GRTP1: variants seen among roughly 807,000 people sequenced by gnomAD.
GRTP1 encodes the protein growth hormone-regulated TBC protein 1.
In GRTP1, 56 loss-of-function variants were observed where a neutral mutation model predicts 38.1. The observed-to-expected ratio is 1.47, with a 90% CI of 1.19 to 1.84. The LOEUF (loss-of-function observed/expected upper bound fraction) is 1.84, where lower values mean the gene tolerates loss of function less well. Among genes scored for constraint, GRTP1 ranks in the 40% most tolerant of loss-of-function variants. GRTP1 has a pLI of 0.00. For missense variants in GRTP1, 506 were observed against 453.9 expected, an observed-to-expected ratio of 1.11 and a Z score of -1.04; for synonymous variants, 217 against 189.5, an observed-to-expected ratio of 1.14 and a Z score of -1.19.
chr13:113,324,542 G>A lies in GRTP1; in HGVS notation c.957C>T (p.Ala319=), dbSNP rs747383644. 6 of 1,611,844 alleles carry A rather than the reference G, an allele frequency of 3.7e-6. No homozygotes were observed. Among genetic ancestry groups the A allele is most frequent in the Non-Finnish European group, 5.1e-6 (6 of 1,179,168 alleles). ...AGCTCTCGCGGAGCTTGGCGACGGT[G>A]GCCATGGATAAGCTTCCAGGTTCTG... The part of the protein sequence containing the change: ...IFSEPGSLSM[A]TVAKLRESCR... Residue 319 remains alanine, a synonymous_variant, in exon 8 of 8, where the codon GCC becomes GCT. Coordinates refer to ENST00000375431, the MANE Select transcript of GRTP1 (RefSeq NM_024719.4).
chr13:113,361,993 A>G (rs948385907), intron 2 of GRTP1: 2 of 152,096 alleles, frequency 1.3e-5, no homozygotes, highest in Non-Finnish European at 2.9e-5. Flanking sequence ...ACTAAAAAAT[A>G]GAAAAATTAG....
intron 7 of GRTP1, chr13:113,325,062 T>C (rs1311082225): frequency 3.2e-6 from 3 of 931,858 alleles, no homozygotes; most frequent in Non-Finnish European, 3.9e-6. Context: ...ACTCCTGACC[T>C]CAGGTGATCC....
At chr13:113,337,952 T>TGG (rs1183987689) in intron 5 of GRTP1, among the ~76,000 whole-genome samples, 1 of 152,274 alleles carries the variant, frequency 6.6e-6, no homozygotes, top group East Asian at 1.9e-4. Context: ...CAGCCAGAGC[T>TGG]GAGGTATTTC....
chr13:113,341,257 A>G (rs930903349), intron 5 of GRTP1, among the ~76,000 whole-genome samples: 1 of 151,858 alleles, frequency 6.6e-6, no homozygotes. Flanking sequence ...GTATGTGTGT[A>G]TGTATGTATG....
At chr13:113,346,070 G>GTGGA (rs2043108286) in intron 4 of GRTP1, among the ~76,000 whole-genome samples, 1 of 90,906 alleles carries the variant, frequency 1.1e-5, no homozygotes, top group Admixed American at 1.1e-4. Flanking sequence ...GAGGACCTCT[G>GTGGA]CGGCTGAGCA....
chr13:113,352,191 G>A (rs1392629347), intron 3 of GRTP1, among the ~76,000 whole-genome samples: 1 of 143,046 alleles, frequency 7.0e-6, no homozygotes, highest in East Asian at 2.0e-4. Flanking sequence ...GTGACCAGCT[G>A]TGTTCATTTA....
intron 4 of GRTP1, among the ~76,000 whole-genome samples, 184 bp from the exon 5 acceptor site, chr13:113,345,143 G>A (rs2043082276): frequency 1.3e-5 from 2 of 152,192 alleles, no homozygotes; most frequent in Non-Finnish European, 2.9e-5. Context: ...CTAGTAATGT[G>A]TTTAGTCAAG....
intron 7 of GRTP1, 44 bp downstream of exon 7, chr13:113,325,616 CG>C (rs763270064): frequency 1.2e-4 from 201 of 1,613,192 alleles, no homozygotes; most frequent in Non-Finnish European, 1.6e-4. Flanking sequence ...GCAGGTGAGG[CG>C]GGGCCCCCTG....
chr13:113,352,770 G>A (rs1339595621), intron 3 of GRTP1, among the ~76,000 whole-genome samples: 4 of 152,236 alleles, frequency 2.6e-5, no homozygotes, highest in South Asian at 2.1e-4. Flanking sequence ...TCTGCACTGC[G>A]TGGCCTGGCA....
chr13:113,325,757 C>T lies in GRTP1; in HGVS notation c.825G>A (p.Glu275=). The change falls in exon 7 of 8, where the codon GAG becomes GAA. Residue 275 remains glutamate (E), a synonymous_variant. Transcript: ENST00000375431. The part of the protein sequence containing the change: ...VALTLIKQHQ[E]LILEATSVPD... ...GAACGCTGGTGGCTTCCAAAATCAA[C>T]TCCTGGTGCTGCTTAATTAAGGTCA... is the stretch of plus-strand genomic sequence containing the variant. The T allele has an allele frequency of 6.2e-7, 1 of 1,609,458 alleles. No individual in the cohort carries two copies. The highest frequency in any genetic ancestry group is 8.5e-7 in the Non-Finnish European group (1 of 1,175,486).
chr13:113,333,316 A>C (rs942242863), intron 5 of GRTP1, among the ~76,000 whole-genome samples: 1 of 152,186 alleles, frequency 6.6e-6, no homozygotes, highest in African/African-American at 2.4e-5. Context: ...GCACATGGCG[A>C]ACCACAGAAA....
chr13:113,352,906 G>C (rs1189582337), intron 3 of GRTP1, among the ~76,000 whole-genome samples: 1 of 152,202 alleles, frequency 6.6e-6, no homozygotes, highest in Non-Finnish European at 1.5e-5. Context: ...GGAGCCCACA[G>C]CTGAAAGCAG....
In GRTP1 at chr13:113,363,799, C is replaced by T; in HGVS notation, c.144G>A (p.Arg48=). The change falls in exon 2 of 8, where the codon CGG becomes CGA. Residue 48 remains arginine (R), a synonymous_variant. Transcript: ENST00000375431. The part of the protein sequence containing the change: ...TLTRRAIKWS[R]LLQGGGVPRS... ...TGGGGACGCCCCCGCCCTGCAGCAG[C>T]CGGGACCATTTGATCGCCCTGCGGG... 1.2e-6 allele frequency: 2 copies of T among 1,611,642 alleles called. No individual in the cohort carries two copies. The highest frequency in any genetic ancestry group is 1.7e-6 in the Non-Finnish European group (2 of 1,179,462).
rs147553366 is a variant in GRTP1 at position 113,328,936 on chromosome 13, T to C, written c.563-2845A>G. ...TCCCCGCCCAGAAGCCTGATGCATC[T>C]CAAACCTTACAAAGCAGCCTGTGGA... On this transcript the variant is annotated intron_variant, in intron 5 of 7. Coordinates refer to ENST00000375431, the MANE Select transcript of GRTP1 (RefSeq NM_024719.4). Among the ~76,000 whole-genome samples the C allele has an allele frequency of 3.7e-4, 56 of 149,650 alleles. 1 individual carries two copies. The East Asian group carries it at 0.011, about 29-fold the overall frequency.
At chr13:113,362,622 C>T (rs545219691) in intron 2 of GRTP1, among the ~76,000 whole-genome samples, 25 of 152,216 alleles carry the variant, frequency 1.6e-4, no homozygotes, top group African/African-American at 6.0e-4. Flanking sequence ...TACCCTGTCT[C>T]AAATAAATAA....
intron 2 of GRTP1, chr13:113,361,966 T>G (rs1001623386): frequency 5.9e-5 from 9 of 152,042 alleles, no homozygotes; most frequent in African/African-American, 2.2e-4. Flanking sequence ...CTGGCCAATA[T>G]GGTAAAACCC....
At chr13:113,356,688 G>A (rs1233844122) in intron 2 of GRTP1, among the ~76,000 whole-genome samples, 1 of 152,222 alleles carries the variant, frequency 6.6e-6, no homozygotes, top group Non-Finnish European at 1.5e-5. Flanking sequence ...TGAGGCACCA[G>A]CTGTATTTAG....
intron 2 of GRTP1, among the ~76,000 whole-genome samples, chr13:113,357,988 G>A (rs2043426394): frequency 6.6e-6 from 1 of 152,162 alleles, no homozygotes; most frequent in South Asian, 2.1e-4. Flanking sequence ...AGATCAGCCT[G>A]ACCAACATGG....
intron 4 of GRTP1, 40 bp from the exon 5 acceptor site, chr13:113,344,999 T>G (rs1566427508): frequency 6.4e-7 from 1 of 1,574,464 alleles, no homozygotes; most frequent in Non-Finnish European, 8.6e-7. Flanking sequence ...ACATTGAGTT[T>G]TAAGCCCCCA....
Sources: allele counts gnomAD v4.1 joint callset (sites outside exome capture counted in the v4.1 genomes callset), GRCh38; gene constraint gnomAD v4.1.1; transcripts MANE v1.5; gene names NCBI Gene and HGNC (gene_info 2026-07-23, HGNC 2026-07-21).